Variants in OVCH2 observed in about 807,000 individuals in gnomAD.
OVCH2 encodes ovochymase 2, also known as ovochymase-2.
OVCH2 carries 88 observed loss-of-function variants against 73.7 expected under a neutral mutation model. The ratio of observed to expected loss-of-function variants is 1.19; its 90% confidence interval spans 1.01 to 1.43. The LOEUF is 1.43. Among genes scored for constraint, OVCH2 ranks in the 40% most tolerant of loss-of-function variants. The pLI, the probability that OVCH2 is intolerant of heterozygous loss-of-function variation, is 0.00. For synonymous variants in OVCH2, 265 were observed against 234.5 expected (o/e 1.13, Z -1.19); for missense variants, 706 against 674.5 (o/e 1.05, Z -0.52).
At position 7,706,343 on chromosome 11, in the gene OVCH2, CA is replaced by C; in HGVS notation, c.51del (p.Phe17LeufsTer53). On this transcript the variant is annotated frameshift_variant, in exon 1 of 16. Transcript: ENST00000533663. LOFTEE classifies it high-confidence loss of function. ...GAAAGAGTTGCAGATTTACCTCGTT[CA>C]AAAAAGACTATTCCTAGTAGTAAAA... Reference protein sequence around the residue: ...KLILLLGIVFFERGKSATLSL... With the variant: ...KLILLLGIVFXERGKSATLSL... The C allele has an allele frequency of 1.9e-6, 3 of 1,589,246 alleles. No individual in the cohort carries two copies. The highest frequency in any genetic ancestry group is 1.2e-5 in the South Asian group (1 of 86,926).
rs371515949 is a variant in OVCH2, at chr11:7,701,809, G to C, written c.466C>G (p.His156Asp). The C allele has an allele frequency of 4.4e-6, 7 of 1,608,832 alleles. No homozygotes were observed. Among genetic ancestry groups the C allele is most frequent in the Non-Finnish European group, 5.9e-6 (7 of 1,177,962 alleles). The change falls in exon 5 of 16, where the codon CAC (histidine) becomes GAC (aspartate). Residue 156 changes from histidine to aspartate, a missense_variant and splice_region_variant. Physicochemically the swap from His to Asp is moderately conservative, Grantham distance 81. Coordinates refer to ENST00000533663, the MANE Select transcript of OVCH2 (RefSeq NM_198185.7). ...GGAAGACATATGGGCCCCACAAAGT[G>C]GCCTGAAGAAAAGAGCAAGGTAGGG... ...LKMAGAFQFG[H>D]FVGPICLPEL...
At chr11:7,704,479 C>G in intron 2 of OVCH2, 86 bp downstream of exon 2, 3 of 942,054 alleles carry the variant, frequency 3.2e-6, no homozygotes, top group Non-Finnish European at 4.7e-6. Flanking sequence ...CTGTAGGCTC[C>G]TCAAAGATAT....
chr11:7,703,293 G>A (rs902349852), intron 3 of OVCH2, among the ~76,000 whole-genome samples: 1 of 152,038 alleles, frequency 6.6e-6, no homozygotes, highest in Non-Finnish European at 1.5e-5. Flanking sequence ...AGGAAGACAG[G>A]GAGCCTACTT....
At chr11:7,683,219 A>G in the OVCH2 span, among the ~76,000 whole-genome samples, 82 of 152,326 alleles carry the variant, frequency 5.4e-4, no homozygotes, top group African/African-American at 1.9e-3. Flanking sequence ...TTTTAAATGA[A>G]TAGGCAAATC....
intron 4 of OVCH2, 106 bp downstream of exon 4, chr11:7,702,051 A>G (rs770651549): frequency 5.4e-5 from 59 of 1,086,552 alleles, no homozygotes; most frequent in Non-Finnish European, 7.8e-5. Flanking sequence ...CTAAATTCCT[A>G]TCTCAAAGTG....
chr11:7,703,302 T>C (rs1856477388), intron 3 of OVCH2, among the ~76,000 whole-genome samples: 1 of 152,200 alleles, frequency 6.6e-6, no homozygotes. Context: ...GGGAGCCTAC[T>C]TTCTACTTTA....
intron 7 of OVCH2, chr11:7,699,802 C>T (rs1856401268): frequency 1.3e-5 from 2 of 153,422 alleles, no homozygotes; most frequent in South Asian, 4.1e-4. Context: ...TTAGCAGCAT[C>T]CAAGTCCCCT....
At chr11:7,703,873 A>T in intron 2 of OVCH2, 84 bp from the exon 3 acceptor site, 1 of 1,011,712 alleles carries the variant, frequency 9.9e-7, no homozygotes, top group Non-Finnish European at 1.5e-6. Context: ...TCTCAAAACC[A>T]GACTCAGATA....
At chr11:7,684,068 C>T in the OVCH2 span, among the ~76,000 whole-genome samples, 1 of 151,274 alleles carries the variant, frequency 6.6e-6, no homozygotes, top group African/African-American at 2.4e-5. Flanking sequence ...TTATTATCTG[C>T]TTCCCCATCC....
At chr11:7,696,350 C>G (rs895888106) in intron 10 of OVCH2, 115 bp downstream of exon 10, 1 of 1,406,252 alleles carries the variant, frequency 7.1e-7, no homozygotes, top group African/African-American at 1.4e-5. Context: ...AGTCTCAAAG[C>G]GGAAGTCAAG....
chr11:7,703,579 T>C (rs1856481761), intron 3 of OVCH2, 119 bp downstream of exon 3: 2 of 741,492 alleles, frequency 2.7e-6, no homozygotes, highest in East Asian at 6.2e-5. Context: ...AGGATATTCA[T>C]CTGTTAAACC....
At chr11:7,696,360 G>A (rs1337479311) in intron 10 of OVCH2, 105 bp downstream of exon 10, 1 of 1,462,364 alleles carries the variant, frequency 6.8e-7, no homozygotes, top group African/African-American at 1.4e-5. Flanking sequence ...CGGAAGTCAA[G>A]AAGTGTGGCA....
chr11:7,688,108 G>T (rs1445135799), downstream of OVCH2, among the ~76,000 whole-genome samples: 3 of 152,072 alleles, frequency 2.0e-5, no homozygotes, highest in East Asian at 5.8e-4. Context: ...CAGCTCCCAT[G>T]TCTGTCCTGG....
Position 7,700,199 on chromosome 11 carries a change from G to A in OVCH2, c.901+97C>T, listed in dbSNP as rs1025257027. The A allele has an allele frequency of 5.8e-6, 7 of 1,210,142 alleles. No homozygotes were observed. In the African/African-American group the frequency reaches 6.0e-5, roughly 10 times the overall value. 75.0% of individuals were successfully genotyped at this position (1,210,142 alleles called of 1,614,324 possible). A position where few individuals can be genotyped will look rare whatever the true frequency, so the allele number is the denominator to read the frequency against. ...TACACTGAGAACAGAGGTAGAGCCT[G>A]TTGGTTCAGGTGCTCTGATTTGCCA... On this transcript the variant is annotated intron_variant, in intron 7 of 15. Transcript: ENST00000533663.
At chr11:7,690,964 C>T (rs183682319) in intron 14 of OVCH2, among the ~76,000 whole-genome samples, 3 of 152,056 alleles carry the variant, frequency 2.0e-5, no homozygotes, top group Admixed American at 1.3e-4. Context: ...ATTTAATGGC[C>T]GTGAATTCAT....
At chr11:7,686,418 T>C (rs1027121740), downstream of OVCH2, among the ~76,000 whole-genome samples, 4 of 152,210 alleles carry the variant, frequency 2.6e-5, no homozygotes, top group Admixed American at 6.5e-5. Flanking sequence ...TAAAAATGAG[T>C]GTAGAGTACC....
the OVCH2 span, among the ~76,000 whole-genome samples, chr11:7,682,818 C>T: frequency 6.6e-6 from 1 of 152,328 alleles, no homozygotes; most frequent in African/African-American, 2.4e-5. Flanking sequence ...TGCTAACACC[C>T]TTCCACATTC....
At chr11:7,679,791 G>A in the OVCH2 span, among the ~76,000 whole-genome samples, 1 of 152,188 alleles carries the variant, frequency 6.6e-6, no homozygotes, top group African/African-American at 2.4e-5. Flanking sequence ...CCAGGGAGGG[G>A]AAAGGGACTG....
At chr11:7,695,514 G>T in intron 11 of OVCH2, 56 bp downstream of exon 11, 4 of 1,509,906 alleles carry the variant, frequency 2.6e-6, no homozygotes, top group African/African-American at 1.4e-5. Context: ...TTCCTATGGG[G>T]CCTAAGCTTC....
Sources: allele counts gnomAD v4.1 joint callset (sites outside exome capture counted in the v4.1 genomes callset), GRCh38; gene constraint gnomAD v4.1.1; transcripts MANE v1.5; gene names NCBI Gene and HGNC (gene_info 2026-07-23, HGNC 2026-07-21).